Variants in OSGEP observed in about 807,000 individuals in gnomAD.
The protein encoded by OSGEP is O-sialoglycoprotein endopeptidase.
In OSGEP, 39 loss-of-function variants were observed where a neutral mutation model predicts 44.1. The observed-to-expected ratio is 0.88, with a 90% confidence interval of 0.69 to 1.16. The LOEUF is 1.16. Ranked by LOEUF, OSGEP falls within the 50% of genes most tolerant of loss-of-function variation. The pLI, the probability that OSGEP is intolerant of heterozygous loss-of-function variation, is 0.00. For missense variants in OSGEP, 403 were observed against 443.1 expected, an observed-to-expected ratio of 0.91 and a Z score of 0.81; for synonymous variants, 139 against 161.9, an observed-to-expected ratio of 0.86 and a Z score of 1.07.
chr14:20,449,046 TG>T, intron 4 of OSGEP, 33 bp from the exon 5 acceptor site: 1 of 1,580,238 alleles, frequency 6.3e-7, no homozygotes, highest in Non-Finnish European at 8.7e-7. Flanking sequence ...AAGGAGGGAA[TG>T]GAAGAGGATG....
intron 8 of OSGEP, 41 bp downstream of exon 8, chr14:20,447,863 G>A (rs1566507785): frequency 2.1e-6 from 3 of 1,434,714 alleles, no homozygotes; most frequent in South Asian, 2.3e-5. Flanking sequence ...GACGCATAGT[G>A]TTAAGAATAG....
At chr14:20,448,083 G>C in intron 7 of OSGEP, 23 bp downstream of exon 7, 2 of 1,606,332 alleles carry the variant, frequency 1.2e-6, no homozygotes, top group East Asian at 2.2e-5. Context: ...CCAACTTTCT[G>C]TCCCAGTTTT....
chr14:20,449,240 G>A lies in OSGEP; in HGVS notation c.438C>T (p.Tyr146=), dbSNP rs1881034924. The A allele has an allele frequency of 6.2e-7, 1 of 1,612,114 alleles. No individual in the cohort carries two copies. ...TATCGATGGTTTCCCCAAAGATACGGTAACGATGTTCCGAGTATGCAATCA... is the reference window on the plus strand; with the variant it reads ...TATCGATGGTTTCCCCAAAGATACGATAACGATGTTCCGAGTATGCAATCA... The part of the protein sequence containing the change: ...TQVIAYSEHR[Y]RIFGETIDIA... Residue 146 remains tyrosine, a synonymous_variant, in exon 4 of 11, where the codon TAC becomes TAT. Transcript: ENST00000206542.
chr14:20,452,084 T>G lies in OSGEP; in HGVS notation c.301A>C (p.Asn101His), dbSNP rs748741772. 1.2e-6 allele frequency: 2 copies of G among 1,613,880 alleles called. No homozygotes were observed. Among genetic ancestry groups the G allele is most frequent in the South Asian group, 2.2e-5 (2 of 91,042 alleles). ...VVARTVAQLWNKPLVGVNHCI... is the reference protein window; with the variant it reads ...VVARTVAQLWHKPLVGVNHCI... ...TGGTTCACACCCACCAATGGCTTAT[T>G]CCACAGTTGGGCCACAGTACGGGCC... Residue 101 changes from asparagine to histidine, a missense_variant, in exon 3 of 11, where the codon AAT becomes CAT. Asn to His is a moderately conservative substitution (Grantham distance 68). Coordinates refer to ENST00000206542, the MANE Select transcript of OSGEP (RefSeq NM_017807.4).
At position 20,447,504 on chromosome 14, in the gene OSGEP, C is replaced by T; in HGVS notation, c.886G>A (p.Gly296Arg). ...ATDERFCIDN[G>R]AMIAQAGWEM... ...CAGCCAGCCTGGGCTATCATCGCTC[C>T]ATTGTCAATACAGAATCTGGGATGC... is the stretch of plus-strand genomic sequence containing the variant. The change falls in exon 10 of 11, where the codon GGA becomes AGA. Residue 296 changes from glycine (G) to arginine (R), a missense_variant. Gly to Arg is a moderately radical substitution (Grantham distance 125, BLOSUM62 -2). Transcript: ENST00000206542. The T allele has an allele frequency of 6.2e-7, 1 of 1,614,138 alleles. No homozygotes were observed. The highest frequency in any genetic ancestry group is 8.5e-7 in the Non-Finnish European group (1 of 1,179,978).
At chr14:20,450,295 C>T (rs1268285865) in intron 3 of OSGEP, 1 of 152,140 alleles carries the variant, frequency 6.6e-6, no homozygotes, top group South Asian at 2.1e-4. Flanking sequence ...CTTATAACAC[C>T]GAGGGCTTCC....
rs375438660 is a variant in OSGEP, at chr14:20,447,855, C to T, written c.793+49G>A. ...ATGATTTAGAGTACCAGGAGGAAGA[C>T]GCATAGTGTTAAGAATAGGAAAGAG... On this transcript the variant is annotated intron_variant, in intron 8 of 10. Transcript: ENST00000206542. The T allele has an allele frequency of 5.5e-5, 75 of 1,364,626 alleles. No individual in the cohort carries two copies. In the East Asian group the frequency reaches 8.0e-4, roughly 15 times the overall value. The allele number at this position is 1,364,626 out of a possible 1,614,324, so 84.5% of individuals were successfully genotyped here. A position where few individuals can be genotyped will look rare whatever the true frequency, so the allele number is the denominator to read the frequency against.
rs571521758 is a variant in OSGEP at position 20,446,830 on chromosome 14, ATAC to A, written c.*407_*409del. ...ACCCGATGCTATAATAATAGTTATG[ATAC>A]TACTATTGTTGCCAGGCACAATGGC... On this transcript the variant is annotated 3_prime_UTR_variant, in exon 11 of 11. Coordinates refer to ENST00000206542, the MANE Select transcript of OSGEP (RefSeq NM_017807.4). 2.5e-4 allele frequency: 49 copies of A among 194,520 alleles called. 1 individual carries two copies. The East Asian group carries it at 6.2e-3, about 25-fold the overall frequency. 12.0% of individuals were successfully genotyped at this position (194,520 alleles called of 1,614,324 possible).
intron 3 of OSGEP, chr14:20,451,401 G>C (rs1163241482): frequency 9.6e-6 from 2 of 208,480 alleles, no homozygotes; most frequent in Non-Finnish European, 2.0e-5. Flanking sequence ...CCGCCTCCTG[G>C]GTTCAAGTGA....
rs370220534 is a variant in OSGEP, at chr14:20,447,530, AAG to A, written c.870-12_870-11del. 1,890 of 1,613,290 alleles carry A rather than the reference AAG, an allele frequency of 1.2e-3. 17 individuals carry two copies. In the African/African-American group the frequency reaches 0.018, roughly 15 times the overall value. The stretch of plus-strand genomic sequence containing the variant: ...ATTGTCAATACAGAATCTGGGATGC[AAG>A]AGAGATGAAAATTGGGATCTAAGGG... On this transcript the variant is annotated splice_polypyrimidine_tract_variant and intron_variant, in intron 9 of 10. Coordinates refer to ENST00000206542, the MANE Select transcript of OSGEP (RefSeq NM_017807.4).
In OSGEP at chr14:20,447,906, C is replaced by A; in HGVS notation, c.791G>T (p.Gly264Val). ...GAACACTTTTCAATAATACATACAC[C>A]CCACTCCTCCCACAATGAGGGCCTC... ...SQEALIVGGV[G>V]CNVRLQEMMA... Residue 264 changes from glycine (G) to valine (V), a missense_variant and splice_region_variant, in exon 8 of 11, where the codon GGG (glycine) becomes GTG (valine). Transcript: ENST00000206542. The A allele has an allele frequency of 2.5e-6, 4 of 1,600,042 alleles. No individual in the cohort carries two copies. The highest frequency in any genetic ancestry group is 3.4e-6 in the Non-Finnish European group (4 of 1,167,170).
chr14:20,448,062 A>T (rs780998290), intron 7 of OSGEP, 44 bp downstream of exon 7: 1 of 1,594,176 alleles, frequency 6.3e-7, no homozygotes, highest in Non-Finnish European at 8.6e-7. Context: ...TACAATATAA[A>T]ACCTTCAGCC....
At chr14:20,454,322 G>A (rs1881197764) in intron 1 of OSGEP, among the ~76,000 whole-genome samples, 1 of 152,142 alleles carries the variant, frequency 6.6e-6, no homozygotes, top group Non-Finnish European at 1.5e-5. Flanking sequence ...TGACTCCACA[G>A]CAGTATAACA....
Position 20,447,229 on chromosome 14 carries a change from T to G in OSGEP, c.*11A>C. On this transcript the variant is annotated 3_prime_UTR_variant, in exon 11 of 11. Coordinates refer to ENST00000206542, the MANE Select transcript of OSGEP (RefSeq NM_017807.4). ...ATTAAGGAACTATCTACTCTGATTC[T>G]GTTGATCTTATTAGTCCCTCCAGGT... 1 of 1,612,302 alleles carries G rather than the reference T, an allele frequency of 6.2e-7. No homozygotes were observed. The highest frequency in any genetic ancestry group is 1.1e-5 in the South Asian group (1 of 91,046).
At chr14:20,451,898 G>T in intron 3 of OSGEP, 76 bp downstream of exon 3, 1 of 1,275,936 alleles carries the variant, frequency 7.8e-7, no homozygotes, top group Non-Finnish European at 1.1e-6. Flanking sequence ...ACATTCCCAT[G>T]ACTCAGATAG....
intron 3 of OSGEP, chr14:20,450,746 A>G (rs1266835288): frequency 1.3e-5 from 2 of 152,256 alleles, no homozygotes; most frequent in Non-Finnish European, 1.5e-5. Context: ...GTTCTGTTGG[A>G]AAAGAATCCA....
chr14:20,452,233 G>T, intron 2 of OSGEP, 84 bp from the exon 3 acceptor site: 1 of 1,584,094 alleles, frequency 6.3e-7, no homozygotes, highest in Non-Finnish European at 8.6e-7. Context: ...AGGTGGGGTA[G>T]GGGTAGTGAT....
At chr14:20,452,687 T>C (rs1244326565) in intron 1 of OSGEP, among the ~76,000 whole-genome samples, 5 of 151,288 alleles carry the variant, frequency 3.3e-5, no homozygotes. Flanking sequence ...AAGTAGTATC[T>C]ACCTCATACC....
At chr14:20,452,912 A>T (rs1318858015) in intron 1 of OSGEP, among the ~76,000 whole-genome samples, 2 of 151,662 alleles carry the variant, frequency 1.3e-5, no homozygotes, top group Non-Finnish European at 2.9e-5. Flanking sequence ...GTTTCACCAT[A>T]TTGGCCAGGC....
Sources: allele counts gnomAD v4.1 joint callset (sites outside exome capture counted in the v4.1 genomes callset), GRCh38; gene constraint gnomAD v4.1.1; transcripts MANE v1.5; gene names NCBI Gene and HGNC (gene_info 2026-07-23, HGNC 2026-07-21).